COL11A1: variants seen among roughly 807,000 people sequenced by gnomAD.
COL11A1 encodes collagen type XI alpha 1 chain.
COL11A1 carries 74 observed loss-of-function variants against 265.2 expected under a neutral mutation model. The ratio of observed to expected loss-of-function variants is 0.28; its 90% CI spans 0.23 to 0.34. The LOEUF (loss-of-function observed/expected upper bound fraction) is 0.34, where lower values mean the gene tolerates loss of function less well. Ranked by LOEUF, COL11A1 falls within the 10% of genes least tolerant of loss-of-function variation. The pLI is 1.00. For synonymous variants in COL11A1, 816 were observed against 727.6 expected, an observed-to-expected ratio of 1.12 and a Z score of -1.96; for missense variants, 2,165 against 2,263.6, an observed-to-expected ratio of 0.96 and a Z score of 0.88.
Position 102,997,090 on chromosome 1 carries a change from T to C in COL11A1, c.2231A>G (p.Lys744Arg), listed in dbSNP as rs775660447. The C allele has an allele frequency of 3.7e-6, 6 of 1,611,694 alleles. No homozygotes were observed. The highest frequency in any genetic ancestry group is 1.6e-4 in the Middle Eastern group (1 of 6,070). The change falls in exon 26 of 67, where the codon AAG becomes AGG. Residue 744 changes from lysine (K) to arginine (R), a missense_variant. Coordinates refer to ENST00000370096, the MANE Select transcript of COL11A1 (RefSeq NM_001854.4). ...TACTTTGGAACCTACCAGAGCCCCC[T>C]TTTCTCCAGACTGGCCTTCTTTCCC... ...HPGKEGQSGE[K>R]GALGPPGPQG...
intron 1 of COL11A1, among the ~76,000 whole-genome samples, chr1:103,098,615 T>C (rs1156312547): frequency 2.6e-5 from 4 of 151,902 alleles, no homozygotes; most frequent in Admixed American, 6.6e-5. Context: ...CCTCTAGATA[T>C]GGTGACAGAT....
chr1:102,955,296 T>C (rs561306756), intron 41 of COL11A1, among the ~76,000 whole-genome samples: 1 of 152,082 alleles, frequency 6.6e-6, no homozygotes, highest in East Asian at 1.9e-4. Context: ...AGGAAGAGAA[T>C]GTGAACTCTT....
At chr1:102,926,221 C>T (rs1415656849) in intron 46 of COL11A1, among the ~76,000 whole-genome samples, 2 of 152,008 alleles carry the variant, frequency 1.3e-5, no homozygotes, top group African/African-American at 4.8e-5. Flanking sequence ...AGGGTTAATC[C>T]ATTCTCATGA....
At chr1:103,103,223 A>T (rs1258973964) in intron 1 of COL11A1, among the ~76,000 whole-genome samples, 1 of 152,080 alleles carries the variant, frequency 6.6e-6, no homozygotes, top group Non-Finnish European at 1.5e-5. Flanking sequence ...TGATTATCTG[A>T]CATTAATAAA....
intron 41 of COL11A1, among the ~76,000 whole-genome samples, chr1:102,958,881 C>T (rs193107670): frequency 1.3e-5 from 2 of 152,208 alleles, no homozygotes; most frequent in East Asian, 1.9e-4. Context: ...GGTAAAATTG[C>T]TCTAGGCATG....
chr1:103,024,619 ATGAATT>A (rs147298112), intron 7 of COL11A1, among the ~76,000 whole-genome samples: 6,421 of 152,176 alleles, frequency 0.042, 232 homozygotes, highest in African/African-American at 0.096. Flanking sequence ...AAAATGCTGG[ATGAATT>A]TGGTTAGGTA....
intron 26 of COL11A1, 59 bp downstream of exon 26, chr1:102,997,021 A>G: frequency 1.4e-6 from 2 of 1,407,656 alleles, no homozygotes; most frequent in East Asian, 2.3e-5. Context: ...GACCAAATTA[A>G]GGCATTTTCT....
rs1178903984 is a variant in COL11A1 at position 103,063,819 on chromosome 1, G to A, written c.651+10799C>T. Among the ~76,000 whole-genome samples, 3 of 152,064 alleles carry A rather than the reference G, an allele frequency of 2.0e-5. No individual in the cohort carries two copies. In the East Asian group the frequency reaches 5.8e-4, roughly 29 times the overall value. ...TTTGCAAAAGACATACCTGATAAAG[G>A]ACTGTTATCCAAAACATACAAAAAG... On this transcript the variant is annotated intron_variant, in intron 4 of 66. Coordinates refer to ENST00000370096, the MANE Select transcript of COL11A1 (RefSeq NM_001854.4).
chr1:103,078,589 T>C, intron 3 of COL11A1, 69 bp downstream of exon 3: 1 of 1,446,354 alleles, frequency 6.9e-7, no homozygotes, highest in Non-Finnish European at 9.7e-7. Context: ...TTCATAAATA[T>C]TTGTTAAGTG....
chr1:102,953,610 T>C (rs1660098200), intron 41 of COL11A1, among the ~76,000 whole-genome samples: 1 of 152,220 alleles, frequency 6.6e-6, no homozygotes, highest in Non-Finnish European at 1.5e-5. Context: ...GTTAGAGGAC[T>C]GTAAGTGAAC....
At chr1:103,100,425 G>C (rs1267482358) in intron 1 of COL11A1, 2 of 151,910 alleles carry the variant, frequency 1.3e-5, no homozygotes, top group African/African-American at 4.8e-5. Context: ...ATATTTGATG[G>C]CTCCCAGAAA....
intron 57 of COL11A1, among the ~76,000 whole-genome samples, chr1:102,891,333 G>A (rs1254249125): frequency 6.6e-6 from 1 of 152,090 alleles, no homozygotes; most frequent in East Asian, 1.9e-4. Flanking sequence ...ACTTTCAGCT[G>A]TAATTTCTAA....
At chr1:102,879,491 A>G (rs1649958270) in intron 66 of COL11A1, among the ~76,000 whole-genome samples, 192 bp downstream of exon 66, 1 of 152,210 alleles carries the variant, frequency 6.6e-6, no homozygotes, top group Admixed American at 6.6e-5. Flanking sequence ...CAGAGTGTCT[A>G]TGTGCATAAC....
intron 46 of COL11A1, among the ~76,000 whole-genome samples, chr1:102,923,837 T>C (rs1656265379): frequency 6.6e-6 from 1 of 152,070 alleles, no homozygotes; most frequent in Non-Finnish European, 1.5e-5. Flanking sequence ...AAATATCTTC[T>C]GAATTTTTGA....
chr1:102,883,851 A>AG (rs879872735), intron 63 of COL11A1, among the ~76,000 whole-genome samples: 3 of 151,918 alleles, frequency 2.0e-5, no homozygotes, highest in Non-Finnish European at 4.4e-5. Flanking sequence ...CTCTCTTTGA[A>AG]GGGGGGTCCT....
chr1:102,884,463 T>G (rs927132814), intron 63 of COL11A1: 1 of 152,320 alleles, frequency 6.6e-6, no homozygotes, highest in East Asian at 1.9e-4. Context: ...CTGTTCCTCA[T>G]AGAAAACACC....
chr1:103,043,665 G>A (rs1461659694), intron 4 of COL11A1, among the ~76,000 whole-genome samples: 1 of 151,956 alleles, frequency 6.6e-6, no homozygotes, highest in Non-Finnish European at 1.5e-5. Flanking sequence ...GATTTAAGCT[G>A]TTTATAAACT....
chr1:103,002,339 A>T, intron 23 of COL11A1, 89 bp downstream of exon 23: 1 of 1,130,566 alleles, frequency 8.8e-7, no homozygotes, highest in Non-Finnish European at 1.3e-6. Context: ...CTAGGACTAC[A>T]TAGAAAATTG....
chr1:103,028,008 T>TG (rs1010691660), intron 5 of COL11A1, among the ~76,000 whole-genome samples: 4 of 151,866 alleles, frequency 2.6e-5, no homozygotes, highest in African/African-American at 7.2e-5. Context: ...TCTTTCTGTT[T>TG]TTTGTTTGTT....
Sources: allele counts gnomAD v4.1 joint callset (sites outside exome capture counted in the v4.1 genomes callset), GRCh38; gene constraint gnomAD v4.1.1; transcripts MANE v1.5; gene names NCBI Gene and HGNC (gene_info 2026-07-23, HGNC 2026-07-21).